Variants in PAX5 observed in about 807,000 individuals in gnomAD.
PAX5 encodes the protein paired box protein Pax-5.
PAX5 carries 9 observed loss-of-function variants against 43.7 expected under a neutral mutation model. The observed-to-expected ratio is 0.21, with a 90% CI of 0.12 to 0.36. The LOEUF (loss-of-function observed/expected upper bound fraction) is 0.36. Among genes scored for constraint, PAX5 ranks in the 10% least tolerant of loss-of-function variants. The pLI is 1.00. For synonymous variants in PAX5, 228 were observed against 214.3 expected (o/e 1.06, Z -0.56); for missense variants, 383 against 532.7 (o/e 0.72, Z 2.77).
At chr9:36,890,294 T>G (rs1048112941) in intron 7 of PAX5, among the ~76,000 whole-genome samples, 1 of 152,152 alleles carries the variant, frequency 6.6e-6, no homozygotes, top group Non-Finnish European at 1.5e-5. Context: ...TGGTGATGGC[T>G]TGATGGCCCG....
At chr9:37,028,208 C>T (rs368061835) in intron 1 of PAX5, among the ~76,000 whole-genome samples, 233 of 152,338 alleles carry the variant, frequency 1.5e-3, no homozygotes, top group Middle Eastern at 0.01. Context: ...TTGTGTGCAT[C>T]GGAGTGTGTG....
intron 6 of PAX5, among the ~76,000 whole-genome samples, chr9:36,964,197 C>T (rs1012804004): frequency 7.2e-5 from 11 of 151,990 alleles, no homozygotes; most frequent in Non-Finnish European, 1.2e-4. Flanking sequence ...AGGAGAAAGG[C>T]GCGAACCCGG....
In PAX5 at chr9:36,835,013, G is replaced by C; in HGVS notation, c.*5547C>G. On this transcript the variant is annotated 3_prime_UTR_variant, in exon 10 of 10. Transcript: ENST00000358127. ...CGGAAGCTGATGGGTGGGTGGGTTTGTGCCTCTGTCTCTCCTGCCACAGGC... is the reference window on the plus strand; with the variant it reads ...CGGAAGCTGATGGGTGGGTGGGTTTCTGCCTCTGTCTCTCCTGCCACAGGC... 4.3e-6 allele frequency: 1 copy of C among 233,334 alleles called. No homozygotes were observed. The highest frequency in any genetic ancestry group is 8.5e-6 in the Non-Finnish European group (1 of 118,070). The allele number at this position is 233,334 out of a possible 1,614,324, so 14.5% of individuals were successfully genotyped here.
chr9:36,978,809 C>T (rs557097892), intron 5 of PAX5, among the ~76,000 whole-genome samples: 8 of 152,266 alleles, frequency 5.3e-5, no homozygotes, highest in East Asian at 3.9e-4. Flanking sequence ...CAGGCCATTT[C>T]GATGGGGCTG....
chr9:36,979,745 C>T (rs1835753554), intron 5 of PAX5, among the ~76,000 whole-genome samples: 1 of 152,172 alleles, frequency 6.6e-6, no homozygotes, highest in African/African-American at 2.4e-5. Flanking sequence ...AATCTCCAGG[C>T]AATTTCAGAA....
At chr9:37,012,850 C>T (rs9408285) in intron 3 of PAX5, among the ~76,000 whole-genome samples, 87,757 of 152,002 alleles carry the variant, frequency 0.58, 25,531 homozygotes, top group Middle Eastern at 0.81. Context: ...ACAATGTGCA[C>T]CCTTGCATCT....
chr9:36,989,007 T>C (rs7854114), intron 5 of PAX5, among the ~76,000 whole-genome samples: 70,748 of 152,034 alleles, frequency 0.47, 17,056 homozygotes, highest in East Asian at 0.67. Flanking sequence ...CCCAGTCTAC[T>C]CACGGTGCCA....
chr9:36,849,062 C>A (rs918076857), intron 8 of PAX5, among the ~76,000 whole-genome samples: 1 of 152,242 alleles, frequency 6.6e-6, no homozygotes, highest in Non-Finnish European at 1.5e-5. Context: ...TCTTCCGATC[C>A]CAGTCTCCCG....
chr9:36,996,115 G>A (rs1359659940), intron 5 of PAX5, among the ~76,000 whole-genome samples: 2 of 152,238 alleles, frequency 1.3e-5, no homozygotes, highest in African/African-American at 4.8e-5. Flanking sequence ...CTCCAAACAG[G>A]AAGGTGGTGG....
At chr9:36,918,872 A>C (rs548004893) in intron 7 of PAX5, among the ~76,000 whole-genome samples, 2 of 152,350 alleles carry the variant, frequency 1.3e-5, no homozygotes, top group Admixed American at 1.3e-4. Context: ...GTGAAGCAGC[A>C]AGTGCTGATG....
chr9:37,012,236 A>G (rs1339163800), intron 3 of PAX5, among the ~76,000 whole-genome samples: 20 of 152,292 alleles, frequency 1.3e-4, no homozygotes. Flanking sequence ...CTTGTCTCTC[A>G]TCTCACAGAT....
Position 36,966,658 on chromosome 9 carries a change from A to G in PAX5, c.671T>C (p.Met224Thr). 6.2e-7 allele frequency: 1 copy of G among 1,614,206 alleles called. No homozygotes were observed. Among genetic ancestry groups the G allele is most frequent in the Non-Finnish European group, 8.5e-7 (1 of 1,180,036 alleles). ...LPGRDFLRKQ[M>T]RGDLFTQQQL... ...CTGCTGTGTGAACAAGTCTCCCCGC[A>G]TCTGCTTCCGGAGGAAGTCTCTGCC... The change falls in exon 6 of 10, where the codon ATG (methionine) becomes ACG (threonine). Residue 224 changes from methionine to threonine, a missense_variant. By Grantham distance (81) the Met-to-Thr change is moderately conservative. Around this residue, in one of 5 missense-constraint regions of PAX5, gnomAD observed 291 missense variants for 342.5 expected, o/e 0.85. Transcript: ENST00000358127.
In PAX5 at chr9:37,033,599, TACACACAC is replaced by T. The variant is rs56039556; in HGVS notation, c.46+379_46+386del. Among the ~76,000 whole-genome samples, 37 of 149,276 alleles carry T rather than the reference TACACACAC, an allele frequency of 2.5e-4. No homozygotes were observed. The East Asian group carries it at 4.1e-3, about 17-fold the overall frequency. On this transcript the variant is annotated intron_variant, in intron 1 of 9. Coordinates refer to ENST00000358127, the MANE Select transcript of PAX5 (RefSeq NM_016734.3). ...CACGAATACCCCACGAGTATAAAGA[TACACACAC>T]ACACACACACACACACACACAGGCA... is the stretch of plus-strand genomic sequence containing the variant.
At chr9:36,923,177 T>C (rs1649695326) in intron 7 of PAX5, 178 bp downstream of exon 7, 1 of 649,560 alleles carries the variant, frequency 1.5e-6, no homozygotes, top group Non-Finnish European at 2.6e-6. Flanking sequence ...TATCCAGCCA[T>C]GTCTCATCAC....
Position 37,015,173 on chromosome 9 carries a change from G to T in PAX5, c.234C>A (p.Ile78=). ...TGGATCCTCCAATTACCCCAGGCTTGATGCTTCCTGTCTCATAATACCTAG... is the reference window on the plus strand; with the variant it reads ...TGGATCCTCCAATTACCCCAGGCTTTATGCTTCCTGTCTCATAATACCTAG... ...ILGRYYETGS[I]KPGVIGGSKP... The change falls in exon 3 of 10, where the codon ATC becomes ATA. Residue 78 remains isoleucine, a synonymous_variant. Transcript: ENST00000358127. This position sits in a 1 kb window ranked among gnomAD's most constrained non-coding sequence, Gnocchi z 4.4. 1 of 1,614,104 alleles carries T rather than the reference G, an allele frequency of 6.2e-7. No individual in the cohort carries two copies. The highest frequency in any genetic ancestry group is 8.5e-7 in the Non-Finnish European group (1 of 1,179,956).
chr9:36,936,123 G>A (rs553674172), intron 6 of PAX5, among the ~76,000 whole-genome samples: 2 of 152,354 alleles, frequency 1.3e-5, no homozygotes, highest in African/African-American at 4.8e-5. Context: ...CAAGCTCACA[G>A]GTCTTCCCAA....
rs950562546 is a variant in PAX5 at position 36,957,174 on chromosome 9, A to G, written c.780+9375T>C. Among the ~76,000 whole-genome samples, 7 of 152,334 alleles carry G rather than the reference A, an allele frequency of 4.6e-5. No individual in the cohort carries two copies. The South Asian group carries it at 1.5e-3, about 32-fold the overall frequency. On this transcript the variant is annotated intron_variant, in intron 6 of 9. Transcript: ENST00000358127. ...CCCTTCTCTGGATCTTCAAGCTTCT[A>G]CACGCTTCAGGTTTCCCATAGGAAG...
In PAX5 at chr9:37,002,650, T is replaced by G; in HGVS notation, c.602A>C (p.Glu201Ala). 1.2e-6 allele frequency: 2 copies of G among 1,611,266 alleles called. No individual in the cohort carries two copies. Among genetic ancestry groups the G allele is most frequent in the Middle Eastern group, 1.7e-4 (1 of 6,048 alleles). The change falls in exon 5 of 10, where the codon GAA becomes GCA. Residue 201 changes from glutamate to alanine, a missense_variant and splice_region_variant. Glu to Ala is a moderately radical substitution (Grantham distance 107). Around this residue, in one of 5 missense-constraint regions of PAX5, gnomAD observed 291 missense variants for 342.5 expected, o/e 0.85. Coordinates refer to ENST00000358127, the MANE Select transcript of PAX5 (RefSeq NM_016734.3). ...SADTNKRKRDEGIQESPVPNG... is the reference protein window; with the variant it reads ...SADTNKRKRDAGIQESPVPNG... ...GGGGCTGCGCGGGCCTCTCTTACCT[T>G]CGTCTCTCTTGCGCTTGTTGGTGTC...
intron 8 of PAX5, chr9:36,864,311 C>T (rs977777771): frequency 1.3e-5 from 2 of 154,450 alleles, no homozygotes; most frequent in African/African-American, 4.8e-5. Context: ...TGCAGCTTCT[C>T]AGCCTCCCTA....
Sources: gnomAD v4.1 joint callset for allele counts (sites outside exome capture counted in the v4.1 genomes callset) on GRCh38, gnomAD v4.1.1 for gene constraint, gnomAD v4.1.1 regional missense constraint, Gnocchi (gnomAD v3.1) non-coding constraint, MANE v1.5 for transcripts, NCBI Gene and HGNC (gene_info 2026-07-23, HGNC 2026-07-21) for gene names.